The following SLC26A7 variants were observed in gnomAD, a reference collection of about 807,000 sequenced individuals.
SLC26A7 encodes the protein anion exchange transporter.
SLC26A7 carries 59 observed loss-of-function variants against 82.5 expected under a neutral mutation model. The observed-to-expected ratio is 0.72, with a 90% CI of 0.58 to 0.89. SLC26A7 has a LOEUF of 0.89. SLC26A7 is among the 40% of genes least tolerant of loss of function. The pLI is 0.00. For synonymous variants in SLC26A7, 271 were observed against 274.3 expected (o/e 0.99, Z 0.12); for missense variants, 820 against 793.0 (o/e 1.03, Z -0.41).
intron 14 of SLC26A7, 102 bp downstream of exon 14, chr8:91,366,819 C>T (rs1452776913): frequency 1.5e-5 from 19 of 1,301,936 alleles, no homozygotes; most frequent in South Asian, 3.1e-5. Flanking sequence ...ACGAGTATTT[C>T]GAGACCTCTC....
chr8:91,346,578 T>C (rs562484036), intron 9 of SLC26A7, among the ~76,000 whole-genome samples: 1 of 152,326 alleles, frequency 6.6e-6, no homozygotes, highest in East Asian at 1.9e-4. Flanking sequence ...CTTACACTTG[T>C]TAATGAATTT....
chr8:91,221,479 TTTC>T (rs1347506608), intron 2 of SLC26A7, among the ~76,000 whole-genome samples: 1 of 152,194 alleles, frequency 6.6e-6, no homozygotes, highest in African/African-American at 2.4e-5. Flanking sequence ...TTGCCTAGGT[TTTC>T]TTCTGGGGTT....
intron 2 of SLC26A7, among the ~76,000 whole-genome samples, chr8:91,258,953 T>A (rs1810883478): frequency 6.6e-6 from 1 of 152,076 alleles, no homozygotes; most frequent in Admixed American, 6.6e-5. Flanking sequence ...CAAATACCTT[T>A]TTACCTGCTC....
intron 11 of SLC26A7, among the ~76,000 whole-genome samples, chr8:91,359,029 T>A (rs1813970478): frequency 6.6e-6 from 1 of 152,186 alleles, no homozygotes; most frequent in Non-Finnish European, 1.5e-5. Flanking sequence ...TGTTTACATA[T>A]GTAACAAACC....
chr8:91,279,141 A>ATATATATATG (rs1811493888), intron 2 of SLC26A7, among the ~76,000 whole-genome samples: 31 of 108,676 alleles, frequency 2.9e-4, no homozygotes, highest in African/African-American at 4.8e-4. Flanking sequence ...ATATATATAT[A>ATATATATATG]TATATATATA....
chr8:91,243,793 AC>A (rs1436060124), intron 2 of SLC26A7, among the ~76,000 whole-genome samples: 16 of 152,190 alleles, frequency 1.1e-4, no homozygotes, highest in African/African-American at 3.9e-4. Flanking sequence ...TTTAAACCCA[AC>A]CACATAAATA....
At chr8:91,394,550 A>G in intron 18 of SLC26A7, 1 of 1,250,208 alleles carries the variant, frequency 8.0e-7, no homozygotes, top group Non-Finnish European at 1.0e-6. Flanking sequence ...CTGTTCTTAG[A>G]GCTTTAATTT....
intron 13 of SLC26A7, among the ~76,000 whole-genome samples, chr8:91,365,866 A>C (rs1227721959): frequency 6.6e-6 from 1 of 152,166 alleles, no homozygotes; most frequent in Non-Finnish European, 1.5e-5. Flanking sequence ...CATTTTGTAG[A>C]ATTTACCCTC....
intron 4 of SLC26A7, among the ~76,000 whole-genome samples, chr8:91,314,978 G>C (rs1239043376): frequency 6.6e-6 from 1 of 152,132 alleles, no homozygotes; most frequent in African/African-American, 2.4e-5. Context: ...GCTGCTACTA[G>C]AAGATGGTGG....
At chr8:91,281,189 T>C (rs913680585) in intron 2 of SLC26A7, among the ~76,000 whole-genome samples, 1 of 152,206 alleles carries the variant, frequency 6.6e-6, no homozygotes, top group African/African-American at 2.4e-5. Flanking sequence ...TTCAAAGATA[T>C]ATAAAAAAAC....
chr8:91,389,337 G>A lies in SLC26A7; in HGVS notation c.1676-1G>A. The A allele has an allele frequency of 6.2e-7, 1 of 1,612,318 alleles. No homozygotes were observed. The highest frequency in any genetic ancestry group is 8.5e-7 in the Non-Finnish European group (1 of 1,178,464). On this transcript the variant is annotated splice_acceptor_variant, in intron 15 of 18. Coordinates refer to ENST00000276609, the MANE Select transcript of SLC26A7 (RefSeq NM_052832.4). LOFTEE classifies it high-confidence loss of function. Reference sequence around the variant, plus strand: ...AACTCAAGTCTCTGTTTCTCCTACAGAAGAAGCTTCACAGTCCTGCCCTAA... The same window carrying A: ...AACTCAAGTCTCTGTTTCTCCTACAAAAGAAGCTTCACAGTCCTGCCCTAA...
At chr8:91,326,202 G>A (rs933247633) in intron 5 of SLC26A7, among the ~76,000 whole-genome samples, 1 of 151,976 alleles carries the variant, frequency 6.6e-6, no homozygotes, top group African/African-American at 2.4e-5. Flanking sequence ...AATTTGCTAG[G>A]GTCTATCTGT....
intron 4 of SLC26A7, among the ~76,000 whole-genome samples, chr8:91,309,281 A>G (rs924682783): frequency 1.3e-5 from 2 of 151,224 alleles, no homozygotes; most frequent in African/African-American, 4.9e-5. Flanking sequence ...ATTTATATGT[A>G]TGTAATCATA....
rs149192629 is a variant in SLC26A7 at position 91,330,606 on chromosome 8, G to A, written c.643-3689G>A. Among the ~76,000 whole-genome samples, 39 of 152,188 alleles carry A rather than the reference G, an allele frequency of 2.6e-4. No homozygotes were observed. In the East Asian group the frequency reaches 7.3e-3, roughly 29 times the overall value. ...ACCTGAAACTAGACTTGAGCAATCC[G>A]CTGTGGACAAATAGAAATGAGGTTA... On this transcript the variant is annotated intron_variant, in intron 5 of 18. Coordinates refer to ENST00000276609, the MANE Select transcript of SLC26A7 (RefSeq NM_052832.4).
At chr8:91,363,072 C>A (rs1814094176) in intron 12 of SLC26A7, among the ~76,000 whole-genome samples, 1 of 152,022 alleles carries the variant, frequency 6.6e-6, no homozygotes. Context: ...GTTGTTTTAT[C>A]TCTATAGAGT....
chr8:91,376,389 T>G (rs191887350), intron 15 of SLC26A7, among the ~76,000 whole-genome samples: 1 of 152,198 alleles, frequency 6.6e-6, no homozygotes, highest in Non-Finnish European at 1.5e-5. Flanking sequence ...ATGGGACTTT[T>G]ACATTTTTCA....
At chr8:91,284,841 T>G (rs1258723310) in intron 2 of SLC26A7, among the ~76,000 whole-genome samples, 1 of 152,232 alleles carries the variant, frequency 6.6e-6, no homozygotes, top group African/African-American at 2.4e-5. Flanking sequence ...GTACAAAGGT[T>G]GTAATATTAT....
Position 91,394,399 on chromosome 8 carries a change from T to G in SLC26A7, c.1935+360T>G, listed in dbSNP as rs570767173. ...ATATAAAAACTCTAAATATGGCCTT[T>G]TAAGTTTTTTCTGCTCTGATATCTT... On this transcript the variant is annotated intron_variant, in intron 18 of 18. Transcript: ENST00000276609. 2.6e-5 allele frequency: 39 copies of G among 1,473,528 alleles called. No homozygotes were observed. The South Asian group carries it at 5.0e-4, about 19-fold the overall frequency. The allele number at this position is 1,473,528 out of a possible 1,614,324, so 91.3% of individuals were successfully genotyped here. A position where few individuals can be genotyped will look rare whatever the true frequency, so the allele number is the denominator to read the frequency against.
chr8:91,388,091 T>C lies in SLC26A7; in HGVS notation c.1676-1247T>C, dbSNP rs76003000. Reference sequence around the variant, plus strand: ...TACTGTCATATATAAATTTTCAGTGTTCATTTTTTATTTTACTGCTTTTTT... The same window carrying C: ...TACTGTCATATATAAATTTTCAGTGCTCATTTTTTATTTTACTGCTTTTTT... On this transcript the variant is annotated intron_variant, in intron 15 of 18. Transcript: ENST00000276609. Among the ~76,000 whole-genome samples the C allele has an allele frequency of 5.8e-3, 886 of 152,352 alleles. 7 individuals are homozygous for C. Among genetic ancestry groups the C allele is most frequent in the African/African-American group, 0.021 (858 of 41,576 alleles).
Sources: gnomAD v4.1 joint callset for allele counts (sites outside exome capture counted in the v4.1 genomes callset) on GRCh38, gnomAD v4.1.1 for gene constraint, MANE v1.5 for transcripts, NCBI Gene and HGNC (gene_info 2026-07-23, HGNC 2026-07-21) for gene names.